The following TAF6 variants were observed in gnomAD, a reference collection of about 807,000 sequenced individuals.
TAF6 encodes TATA-box binding protein associated factor 6.
A neutral mutation model predicts 73.5 loss-of-function variants in TAF6; 50 were observed. The observed-to-expected ratio is 0.68, with a 90% CI of 0.54 to 0.86. TAF6 has a LOEUF of 0.86. Among genes scored for constraint, TAF6 ranks in the 40% least tolerant of loss-of-function variants. The pLI, the probability that TAF6 is intolerant of heterozygous loss-of-function variation, is 0.00. For synonymous variants in TAF6, 424 were observed against 376.7 expected, an observed-to-expected ratio of 1.13 and a Z score of -1.45; for missense variants, 768 against 899.5, an observed-to-expected ratio of 0.85 and a Z score of 1.87.
upstream of TAF6, chr7:100,122,112 T>A: frequency 3.5e-6 from 3 of 857,646 alleles, no homozygotes; most frequent in East Asian, 8.1e-5. Flanking sequence ...GCCACACAGC[T>A]GCTAAATGGC....
At chr7:100,119,640 C>T, upstream of TAF6, 2 of 1,603,252 alleles carry the variant, frequency 1.2e-6, no homozygotes, top group Non-Finnish European at 1.7e-6. Context: ...CGACCTTCCT[C>T]GGCTGGATTT....
chr7:100,108,573 G>A, intron 12 of TAF6, 33 bp from the exon 13 acceptor site: 2 of 1,566,666 alleles, frequency 1.3e-6, no homozygotes, highest in South Asian at 1.1e-5. Context: ...GGTAGAGGGA[G>A]GGCTGGGGAA....
At chr7:100,116,822 C>G (rs1056739958) in intron 1 of TAF6, among the ~76,000 whole-genome samples, 1 of 152,120 alleles carries the variant, frequency 6.6e-6, no homozygotes, top group Non-Finnish European at 1.5e-5. Flanking sequence ...TGCTTAATAG[C>G]CTTTGCTGCA....
chr7:100,107,367 A>C lies in TAF6; in HGVS notation c.1913T>G (p.Leu638Arg). ...CCCCCCACAAAGGGCACTGCCGCTG[A>C]GTGGGGACGGGGACGATGCCGGGGG... The part of the protein sequence containing the change: ...VPPPASSPSP[L>R]SGSALCGGKQ... The change falls in exon 15 of 15, where the codon CTC becomes CGC. Residue 638 changes from leucine (L) to arginine (R), a missense_variant. Leu to Arg is a moderately radical substitution (Grantham distance 102). Coordinates refer to ENST00000453269, the MANE Select transcript of TAF6 (RefSeq NM_139315.3). 1.3e-6 allele frequency: 2 copies of C among 1,577,490 alleles called. No homozygotes were observed. Among genetic ancestry groups the C allele is most frequent in the Non-Finnish European group, 1.7e-6 (2 of 1,158,672 alleles).
chr7:100,123,291 A>G (rs916354651), upstream of TAF6, among the ~76,000 whole-genome samples: 3 of 152,018 alleles, frequency 2.0e-5, no homozygotes, highest in African/African-American at 2.4e-5. Flanking sequence ...GCCATGAGCC[A>G]AGATCGCACC....
rs79147701 is a variant in TAF6, at chr7:100,107,376, G to A, written c.1904C>T (p.Pro635Leu). 7.8e-4 allele frequency: 1,243 copies of A among 1,589,858 alleles called. 22 individuals carry two copies. The East Asian group carries it at 0.025, about 32-fold the overall frequency. ...AAGGGCACTGCCGCTGAGTGGGGACGGGGACGATGCCGGGGGAGGAACTGG... is the reference window on the plus strand; with the variant it reads ...AAGGGCACTGCCGCTGAGTGGGGACAGGGACGATGCCGGGGGAGGAACTGG... Reference protein sequence around the residue: ...PSPVPPPASSPSPLSGSALCG... With the variant: ...PSPVPPPASSLSPLSGSALCG... The change falls in exon 15 of 15, where the codon CCG becomes CTG. Residue 635 changes from proline to leucine, a missense_variant. By Grantham distance (98) the Pro-to-Leu change is moderately conservative (BLOSUM62 -3). Transcript: ENST00000453269.
chr7:100,109,665 GTT>G (rs781546537), intron 12 of TAF6, among the ~76,000 whole-genome samples: 5 of 145,092 alleles, frequency 3.4e-5, no homozygotes, highest in Middle Eastern at 3.3e-3. Flanking sequence ...CGGCTTTTTG[GTT>G]TTTTTTTTTG....
chr7:100,122,381 G>GTTTCGTGAGTCCTTCGTGCTCCTCCCC (rs1562939287), upstream of TAF6: 3 of 1,614,124 alleles, frequency 1.9e-6, no homozygotes, highest in Non-Finnish European at 2.5e-6. Flanking sequence ...GCCTTACAGC[G>GTTTCGTGAGTCCTTCGTGCTCCTCCCC]TTTCGTGAGT....
At chr7:100,108,296 T>C (rs2116711136) in intron 13 of TAF6, 71 bp downstream of exon 13, 13 of 1,521,064 alleles carry the variant, frequency 8.5e-6, no homozygotes, top group Non-Finnish European at 1.1e-5. Context: ...TGTGGCTGTG[T>C]GCAAGTGCCT....
intron 5 of TAF6, 96 bp from the exon 6 acceptor site, chr7:100,113,013 C>T: frequency 6.6e-7 from 1 of 1,504,330 alleles, no homozygotes; most frequent in East Asian, 2.3e-5. Flanking sequence ...GCCTGTAATC[C>T]CAGCACTTTG....
intron 1 of TAF6, among the ~76,000 whole-genome samples, chr7:100,118,245 T>G (rs1309552799): frequency 6.7e-6 from 1 of 148,200 alleles, no homozygotes; most frequent in Non-Finnish European, 1.5e-5. Flanking sequence ...CCCAGCTATC[T>G]GGGAGGCTGA....
chr7:100,121,110 ATATATATTTTTTTTTTTTT>A (rs1798038487), upstream of TAF6: 4 of 28,376 alleles, frequency 1.4e-4, no homozygotes, highest in South Asian at 1.3e-3. Flanking sequence ...ATATATATAT[ATATATATTTTTTTTTTTTT>A]TTTTTTTTTT....
In TAF6 at chr7:100,111,664, G is replaced by T; in HGVS notation, c.900+64C>A. On this transcript the variant is annotated intron_variant, in intron 9 of 14. Transcript: ENST00000453269. ...CAGGTGTGAGCCACTGCTGACCACT[G>T]ACTTCCTGTTGGTGGCAGCAGGGTC... The T allele has an allele frequency of 2.0e-6, 3 of 1,538,392 alleles. No homozygotes were observed. The South Asian group carries it at 3.4e-5, about 17-fold the overall frequency.
chr7:100,110,011 C>T lies in TAF6; in HGVS notation c.1221G>A (p.Leu407=), dbSNP rs779666748. Residue 407 remains leucine, a synonymous_variant, in exon 12 of 15, where the codon CTG becomes CTA. Coordinates refer to ENST00000453269, the MANE Select transcript of TAF6 (RefSeq NM_139315.3). The stretch of plus-strand genomic sequence containing the variant: ...CAATGTTGCTCAGCACAGGGCCGTC[C>T]AGCACACTGCGGATCCGCTCCCCTT... ...QQEGERIRSV[L]DGPVLSNIDR... The T allele has an allele frequency of 9.9e-6, 16 of 1,614,164 alleles. No homozygotes were observed. The highest frequency in any genetic ancestry group is 1.4e-5 in the Non-Finnish European group (16 of 1,180,028).
Position 100,107,569 on chromosome 7 carries a change from C to T in TAF6, c.1711G>A (p.Val571Ile), listed in dbSNP as rs201003761. 2.4e-4 allele frequency: 388 copies of T among 1,613,644 alleles called. 4 individuals are homozygous for T. The highest frequency in any genetic ancestry group is 2.1e-3 in the Admixed American group (127 of 59,954). Reference sequence around the variant, plus strand: ...TGCACGCTGGGGACGGTGGTGGTGACGGGCGAAGTGGTGGTGGAACCTGAG... The same window carrying T: ...TGCACGCTGGGGACGGTGGTGGTGATGGGCGAAGTGGTGGTGGAACCTGAG... ...PGSGSTTTSPVTTTVPSVQPI... is the reference protein window; with the variant it reads ...PGSGSTTTSPITTTVPSVQPI... The change falls in exon 15 of 15, where the codon GTC becomes ATC. Residue 571 changes from valine to isoleucine, a missense_variant. Around this residue, in one of 5 missense-constraint regions of TAF6, gnomAD observed 350 missense variants for 352.3 expected, o/e 0.99. Transcript: ENST00000453269.
intron 1 of TAF6, chr7:100,118,881 CTG>C: frequency 1.0e-6 from 1 of 985,370 alleles, no homozygotes; most frequent in Non-Finnish European, 1.2e-6. Context: ...GAGACATACT[CTG>C]TGCCTGGCGC....
intron 13 of TAF6, 113 bp downstream of exon 13, chr7:100,108,254 T>G: frequency 6.9e-7 from 1 of 1,454,044 alleles, no homozygotes; most frequent in Non-Finnish European, 9.1e-7. Flanking sequence ...ACTCAGGGCC[T>G]GGTTGCCCTG....
chr7:100,119,699 C>A, upstream of TAF6: 1 of 1,613,924 alleles, frequency 6.2e-7, no homozygotes, highest in Non-Finnish European at 8.5e-7. Context: ...CACTACCTTC[C>A]CGAAGTTGAA....
At chr7:100,117,267 C>CTTTTT (rs1181165298) in intron 1 of TAF6, among the ~76,000 whole-genome samples, 19 of 105,084 alleles carry the variant, frequency 1.8e-4, no homozygotes, top group African/African-American at 6.4e-4. Flanking sequence ...AGACAGGGCT[C>CTTTTT]TTTTTTTTTT....
Sources: allele counts gnomAD v4.1 joint callset (sites outside exome capture counted in the v4.1 genomes callset), GRCh38; gene constraint gnomAD v4.1.1; regional missense constraint gnomAD v4.1.1; transcripts MANE v1.5; gene names NCBI Gene and HGNC (gene_info 2026-07-23, HGNC 2026-07-21).